C11orf97: variants seen among roughly 807,000 people sequenced by gnomAD.
The protein encoded by C11orf97 is chromosome 11 open reading frame 97.
Under a neutral mutation model 16.2 loss-of-function variants are expected in C11orf97, and 15 were observed. The observed-to-expected ratio is 0.93, with a 90% CI of 0.62 to 1.43. The LOEUF is 1.43. C11orf97 is among the 40% of genes most tolerant of loss of function. The pLI is 0.00. For missense variants in C11orf97, 171 were observed against 161.2 expected, an observed-to-expected ratio of 1.06 and a Z score of -0.33; for synonymous variants, 61 against 65.7, an observed-to-expected ratio of 0.93 and a Z score of 0.34.
intron 2 of C11orf97, 69 bp from the exon 3 acceptor site, chr11:94,528,015 C>CT: frequency 2.1e-6 from 3 of 1,407,300 alleles, no homozygotes; most frequent in Non-Finnish European, 1.9e-6. Flanking sequence ...CAATTAAATA[C>CT]TTTAAAAACT....
intron 1 of C11orf97, among the ~76,000 whole-genome samples, chr11:94,514,895 T>C (rs1036638350): frequency 1.3e-5 from 2 of 152,076 alleles, no homozygotes; most frequent in African/African-American, 4.8e-5. Context: ...TCTGCCCACC[T>C]CAGCCTCCCA....
At chr11:94,519,200 G>T (rs930523480) in intron 2 of C11orf97, among the ~76,000 whole-genome samples, 2 of 152,090 alleles carry the variant, frequency 1.3e-5, no homozygotes, top group South Asian at 4.1e-4. Flanking sequence ...GAGCCACCAC[G>T]CCCGGCCCCA....
chr11:94,530,772 C>T (rs764617912), intron 3 of C11orf97, among the ~76,000 whole-genome samples: 4 of 152,202 alleles, frequency 2.6e-5, no homozygotes, highest in Admixed American at 6.5e-5. Context: ...ACCACTAAAC[C>T]AAATGCAAAC....
At chr11:94,512,854 T>C (rs1322439241) in intron 1 of C11orf97, among the ~76,000 whole-genome samples, 181 bp downstream of exon 1, 1 of 152,136 alleles carries the variant, frequency 6.6e-6, no homozygotes, top group East Asian at 1.9e-4. Flanking sequence ...GGTCCATCTT[T>C]CCAAGCCCTC....
chr11:94,530,212 A>G (rs377490903), intron 3 of C11orf97, among the ~76,000 whole-genome samples: 3 of 152,312 alleles, frequency 2.0e-5, no homozygotes, highest in African/African-American at 7.2e-5. Context: ...TCCACACTAC[A>G]TTCCTAGTAG....
chr11:94,520,468 T>C (rs1947649335), intron 2 of C11orf97, among the ~76,000 whole-genome samples: 2 of 152,216 alleles, frequency 1.3e-5, no homozygotes, highest in Non-Finnish European at 2.9e-5. Flanking sequence ...ATTGGGCTAA[T>C]GACTCCAGCA....
intron 2 of C11orf97, among the ~76,000 whole-genome samples, chr11:94,522,727 A>G (rs1947669099): frequency 6.6e-6 from 1 of 152,246 alleles, no homozygotes; most frequent in African/African-American, 2.4e-5. Context: ...GTTTGGCTCA[A>G]GATCCCAAAA....
chr11:94,526,147 G>A (rs546489202), intron 2 of C11orf97, among the ~76,000 whole-genome samples: 1 of 152,250 alleles, frequency 6.6e-6, no homozygotes, highest in South Asian at 2.1e-4. Flanking sequence ...CTTCTGGAAT[G>A]CACATGCCCT....
chr11:94,525,577 T>C (rs1412569607), intron 2 of C11orf97, among the ~76,000 whole-genome samples: 1 of 152,204 alleles, frequency 6.6e-6, no homozygotes, highest in Non-Finnish European at 1.5e-5. Flanking sequence ...TTTCATTCAA[T>C]TAAAATGTCT....
chr11:94,528,300 C>A, intron 3 of C11orf97, 91 bp downstream of exon 3: 1 of 1,172,030 alleles, frequency 8.5e-7, no homozygotes, highest in South Asian at 2.1e-5. Context: ...TTAAAGATCT[C>A]AATCAAAACT....
intron 2 of C11orf97, among the ~76,000 whole-genome samples, chr11:94,526,088 C>A (rs1457749810): frequency 6.6e-6 from 1 of 152,114 alleles, no homozygotes; most frequent in Non-Finnish European, 1.5e-5. Context: ...TGAGAGGAGT[C>A]GACACTTGAA....
intron 2 of C11orf97, among the ~76,000 whole-genome samples, chr11:94,524,704 A>C (rs1947686193): frequency 2.0e-5 from 3 of 152,030 alleles, no homozygotes; most frequent in African/African-American, 7.2e-5. Context: ...AATGTCCATC[A>C]TTCATGTATT....
At chr11:94,524,889 T>C (rs1299027492) in intron 2 of C11orf97, among the ~76,000 whole-genome samples, 1 of 151,852 alleles carries the variant, frequency 6.6e-6, no homozygotes, top group Non-Finnish European at 1.5e-5. Context: ...TGAAACCTCG[T>C]CTCTATTAAA....
rs138292648 is a variant in C11orf97 at position 94,520,746 on chromosome 11, G to A, written c.250+3059G>A. Reference sequence around the variant, plus strand: ...ATATCCTAAATCCCCCACCAGCACCGTTGCCAAGCCCCTGCCACCTTTTGC... The same window carrying A: ...ATATCCTAAATCCCCCACCAGCACCATTGCCAAGCCCCTGCCACCTTTTGC... On this transcript the variant is annotated intron_variant, in intron 2 of 3. Transcript: ENST00000542198. Among the ~76,000 whole-genome samples, 460 of 152,234 alleles carry A rather than the reference G, an allele frequency of 3.0e-3. 1 individual carries two copies. The highest frequency in any genetic ancestry group is 0.024 in the Middle Eastern group (7 of 294).
At chr11:94,517,753 GTATTT>G (rs1947623219) in intron 2 of C11orf97, 66 bp downstream of exon 2, 1 of 1,070,476 alleles carries the variant, frequency 9.3e-7, no homozygotes, top group African/African-American at 1.6e-5. Flanking sequence ...TGATGACAGA[GTATTT>G]TATTATAAAA....
intron 3 of C11orf97, among the ~76,000 whole-genome samples, chr11:94,530,212 A>T (rs377490903): frequency 6.6e-6 from 1 of 152,194 alleles, no homozygotes; most frequent in South Asian, 2.1e-4. Context: ...TCCACACTAC[A>T]TTCCTAGTAG....
At chr11:94,516,287 G>T (rs1170457466) in intron 1 of C11orf97, among the ~76,000 whole-genome samples, 1 of 152,186 alleles carries the variant, frequency 6.6e-6, no homozygotes, top group Non-Finnish European at 1.5e-5. Context: ...ATATATGTGA[G>T]TTTAAAATCA....
chr11:94,528,105 G>C lies in C11orf97; in HGVS notation c.272G>C (p.Ser91Thr). 6.5e-7 allele frequency: 1 copy of C among 1,534,900 alleles called. No homozygotes were observed. Among genetic ancestry groups the C allele is most frequent in the Admixed American group, 2.0e-5 (1 of 50,732 alleles). Residue 91 changes from serine (S) to threonine (T), a missense_variant, in exon 3 of 4, where the codon AGC becomes ACC. Physicochemically the swap from Ser to Thr is moderately conservative, Grantham distance 58. Transcript: ENST00000542198. Reference protein sequence around the residue: ...PAAVALEGIWSIKRNLPVGGL... With the variant: ...PAAVALEGIWTIKRNLPVGGL... ...ACAGTGGCCCTGGAAGGGATTTGGAGCATTAAAAGGAATCTGCCTGTGGGA... is the reference window on the plus strand; with the variant it reads ...ACAGTGGCCCTGGAAGGGATTTGGACCATTAAAAGGAATCTGCCTGTGGGA...
At chr11:94,524,333 A>G (rs1947682356) in intron 2 of C11orf97, among the ~76,000 whole-genome samples, 2 of 152,174 alleles carry the variant, frequency 1.3e-5, no homozygotes, top group African/African-American at 4.8e-5. Flanking sequence ...GCTATTAGCC[A>G]TTGGGTTCTT....
Sources: gnomAD v4.1 joint callset for allele counts (sites outside exome capture counted in the v4.1 genomes callset) on GRCh38, gnomAD v4.1.1 for gene constraint, MANE v1.5 for transcripts, NCBI Gene and HGNC (gene_info 2026-07-23, HGNC 2026-07-21) for gene names.